The following CAMK1G variants were observed in gnomAD, a reference collection of about 807,000 sequenced individuals.
The protein encoded by CAMK1G is calcium/calmodulin dependent protein kinase IG.
In CAMK1G, 27 loss-of-function variants were observed where a neutral mutation model predicts 54.8. That is an observed-to-expected ratio of 0.49 (90% confidence interval 0.36 to 0.68). The LOEUF is 0.68. Ranked by LOEUF, CAMK1G falls within the 30% of genes least tolerant of loss-of-function variation. CAMK1G has a pLI of 0.00. For missense variants in CAMK1G, 512 were observed against 591.0 expected, an observed-to-expected ratio of 0.87 and a Z score of 1.39; for synonymous variants, 238 against 224.9, an observed-to-expected ratio of 1.06 and a Z score of -0.52.
At position 209,612,200 on chromosome 1, in the gene CAMK1G, A is replaced by G. The variant is rs1665800077; in HGVS notation, c.1324A>G (p.Lys442Glu). The G allele has an allele frequency of 1.9e-6, 3 of 1,613,552 alleles. No homozygotes were observed. The African/African-American group carries it at 4.0e-5, about 22-fold the overall frequency. The change falls in exon 11 of 13, where the codon AAG becomes GAG. Residue 442 changes from lysine (K) to glutamate (E), a missense_variant. This residue lies in a region of CAMK1G where 315 missense variants were observed against 330.5 expected (regional missense o/e 0.95). Transcript: ENST00000361322. ...SYCSEPTLLK[K>E]ANKKQNFKSE... ...CTGCTCTGAGCCCACACTCCTCAAAAAGGCCAACAAAAAACAGTACGTATT... is the reference window on the plus strand; with the variant it reads ...CTGCTCTGAGCCCACACTCCTCAAAGAGGCCAACAAAAAACAGTACGTATT...
At chr1:209,593,657 G>A (rs1000052757) in intron 1 of CAMK1G, among the ~76,000 whole-genome samples, 2 of 152,016 alleles carry the variant, frequency 1.3e-5, no homozygotes, top group African/African-American at 2.4e-5. Flanking sequence ...ATGACACATC[G>A]CCTAATACTG....
intron 6 of CAMK1G, 101 bp from the exon 7 acceptor site, chr1:209,607,757 C>A: frequency 1.1e-6 from 1 of 888,084 alleles, no homozygotes; most frequent in East Asian, 2.5e-5. Context: ...CACCATCCCA[C>A]AGTCTTCCCC....
In CAMK1G at chr1:209,595,251, G is replaced by T. The variant is rs546509532; in HGVS notation, c.92+176G>T. ...GGCCTGGAGGATGGTGGGTGGAGTG[G>T]GTGGCAGGTACTTTGGGTAATACCA... On this transcript the variant is annotated intron_variant, in intron 2 of 12. Transcript: ENST00000361322. Among the ~76,000 whole-genome samples, 16 of 152,214 alleles carry T rather than the reference G, an allele frequency of 1.1e-4. No individual in the cohort carries two copies. In the South Asian group the frequency reaches 3.3e-3, roughly 32 times the overall value.
At chr1:209,609,334 G>C (rs534901517) in intron 8 of CAMK1G, among the ~76,000 whole-genome samples, 2 of 117,982 alleles carry the variant, frequency 1.7e-5, no homozygotes, top group South Asian at 2.8e-4. Context: ...AAAGGAGATG[G>C]GGGGGCAGTT....
At chr1:209,591,741 C>T (rs571515926) in intron 1 of CAMK1G, among the ~76,000 whole-genome samples, 5 of 152,294 alleles carry the variant, frequency 3.3e-5, no homozygotes, top group South Asian at 2.1e-4. Flanking sequence ...CTGGATTCCA[C>T]AGTCCTCTGG....
intron 3 of CAMK1G, among the ~76,000 whole-genome samples, chr1:209,602,010 G>C (rs561655091): frequency 3.3e-5 from 5 of 152,204 alleles, no homozygotes; most frequent in East Asian, 1.9e-4. Context: ...AAACTTCCTA[G>C]AGAATTTCCT....
intron 8 of CAMK1G, 107 bp downstream of exon 8, chr1:209,609,199 G>C (rs1053337318): frequency 7.4e-7 from 1 of 1,345,320 alleles, no homozygotes; most frequent in East Asian, 2.3e-5. Context: ...AGTCCCTGGG[G>C]ATCTTACAGA....
chr1:209,611,622 C>A, intron 10 of CAMK1G, 70 bp downstream of exon 10: 1 of 1,507,542 alleles, frequency 6.6e-7, no homozygotes. Flanking sequence ...CAGGGGCTGA[C>A]ATAAGGGCTT....
intron 1 of CAMK1G, among the ~76,000 whole-genome samples, chr1:209,585,282 T>A (rs17014830): frequency 0.18 from 27,069 of 152,116 alleles, 2,554 homozygotes; most frequent in Non-Finnish European, 0.2. Context: ...TGCTGAGAAA[T>A]CTGAGTGCTT....
chr1:209,606,571 C>A, intron 6 of CAMK1G, 128 bp downstream of exon 6: 1 of 1,052,376 alleles, frequency 9.5e-7, no homozygotes, highest in Non-Finnish European at 1.4e-6. Flanking sequence ...AGGACATCCA[C>A]TTATAAAGTT....
At chr1:209,607,996 G>A (rs368550163) in intron 7 of CAMK1G, 63 bp downstream of exon 7, 18 of 1,316,136 alleles carry the variant, frequency 1.4e-5, no homozygotes, top group South Asian at 2.6e-5. Context: ...ACCCCTTCTC[G>A]TTCCCTCCCC....
chr1:209,604,103 G>A lies in CAMK1G; in HGVS notation c.296+815G>A, dbSNP rs148709328. Among the ~76,000 whole-genome samples the A allele has an allele frequency of 4.1e-3, 631 of 152,300 alleles. 5 individuals carry two copies. Among genetic ancestry groups the A allele is most frequent in the Non-Finnish European group, 6.7e-3 (455 of 68,020 alleles). On this transcript the variant is annotated intron_variant, in intron 4 of 12. Transcript: ENST00000361322. Reference sequence around the variant, plus strand: ...TCACACACCACTCTGCAATCTCAGCGTGGCTGGACACAACGTGGTTTTTGG... The same window carrying A: ...TCACACACCACTCTGCAATCTCAGCATGGCTGGACACAACGTGGTTTTTGG...
chr1:209,606,866 G>A (rs1049038285), intron 6 of CAMK1G, among the ~76,000 whole-genome samples: 1 of 152,322 alleles, frequency 6.6e-6, no homozygotes, highest in African/African-American at 2.4e-5. Flanking sequence ...GGAAGCACAG[G>A]ATATTGAATT....
intron 3 of CAMK1G, among the ~76,000 whole-genome samples, chr1:209,601,243 G>A (rs941787989): frequency 2.0e-5 from 3 of 152,138 alleles, no homozygotes; most frequent in Non-Finnish European, 2.9e-5. Context: ...TACAAGCAAA[G>A]GTAGTGGCAG....
At chr1:209,585,700 G>A (rs742253) in intron 1 of CAMK1G, among the ~76,000 whole-genome samples, 27,672 of 152,192 alleles carry the variant, frequency 0.18, 2,663 homozygotes, top group Non-Finnish European at 0.2. Flanking sequence ...AAGTGAAAAA[G>A]CATCCCCCTC....
chr1:209,592,673 C>T (rs1031212860), intron 1 of CAMK1G, among the ~76,000 whole-genome samples: 11 of 152,188 alleles, frequency 7.2e-5, no homozygotes, highest in African/African-American at 1.9e-4. Context: ...TCCAAGAGAG[C>T]GAAAGCAAAG....
At chr1:209,599,442 G>A (rs1174500087) in intron 2 of CAMK1G, among the ~76,000 whole-genome samples, 1 of 152,200 alleles carries the variant, frequency 6.6e-6, no homozygotes, top group Non-Finnish European at 1.5e-5. Flanking sequence ...TCATTGCTAT[G>A]TTCTCTGTAG....
At chr1:209,604,962 A>G (rs1197319759) in intron 4 of CAMK1G, among the ~76,000 whole-genome samples, 2 of 152,196 alleles carry the variant, frequency 1.3e-5, no homozygotes, top group Admixed American at 1.3e-4. Context: ...GATGGTATTC[A>G]TGAGATAGAA....
intron 1 of CAMK1G, among the ~76,000 whole-genome samples, chr1:209,586,658 C>A (rs1321381303): frequency 6.6e-6 from 1 of 152,106 alleles, no homozygotes; most frequent in Non-Finnish European, 1.5e-5. Context: ...TTAGAGGTTG[C>A]AAACTGCTTT....
Sources: gnomAD v4.1 joint callset for allele counts (sites outside exome capture counted in the v4.1 genomes callset) on GRCh38, gnomAD v4.1.1 for gene constraint, gnomAD v4.1.1 regional missense constraint, MANE v1.5 for transcripts, NCBI Gene and HGNC (gene_info 2026-07-23, HGNC 2026-07-21) for gene names.